RAB27A: variants seen among roughly 807,000 people sequenced by gnomAD.
RAB27A encodes ras-related protein Rab-27A.
In RAB27A, 17 loss-of-function variants were observed where a neutral mutation model predicts 20.8. The ratio of observed to expected loss-of-function variants is 0.82; its 90% CI spans 0.56 to 1.23. The LOEUF (loss-of-function observed/expected upper bound fraction) is 1.23. Among genes scored for constraint, RAB27A ranks in the 50% most tolerant of loss-of-function variants. The pLI, the probability that RAB27A is intolerant of heterozygous loss-of-function variation, is 0.00. For synonymous variants in RAB27A, 85 were observed against 92.8 expected (o/e 0.92, Z 0.48); for missense variants, 277 against 266.7 (o/e 1.04, Z -0.27).
chr15:55,317,759 A>G (rs930059323), intron 1 of RAB27A: 1 of 398,490 alleles, frequency 2.5e-6, no homozygotes, highest in African/African-American at 2.1e-5. Context: ...ACAGTGGCAA[A>G]AAGCAGTTGT....
chr15:55,276,478 G>A (rs1449828825), intron 1 of RAB27A, among the ~76,000 whole-genome samples: 4 of 152,162 alleles, frequency 2.6e-5, no homozygotes, highest in Non-Finnish European at 2.9e-5. Context: ...GCTGAGGCGC[G>A]ACAATTGCTT....
chr15:55,246,797 C>A (rs961839949), intron 2 of RAB27A, among the ~76,000 whole-genome samples: 6 of 151,990 alleles, frequency 3.9e-5, no homozygotes, highest in Non-Finnish European at 8.8e-5. Flanking sequence ...CCTCTTACCA[C>A]CACCAAGAAG....
intron 6 of RAB27A, among the ~76,000 whole-genome samples, chr15:55,210,658 C>A (rs918463192): frequency 6.6e-6 from 1 of 152,022 alleles, no homozygotes; most frequent in African/African-American, 2.4e-5. Flanking sequence ...CTTATATATT[C>A]TCGTTATTAA....
At chr15:55,278,546 G>A (rs1048850114) in intron 1 of RAB27A, among the ~76,000 whole-genome samples, 3 of 148,956 alleles carry the variant, frequency 2.0e-5, no homozygotes, top group Non-Finnish European at 4.4e-5. Context: ...GCAGTGGCAC[G>A]ATCTCAGCTC....
intron 6 of RAB27A, among the ~76,000 whole-genome samples, chr15:55,215,163 T>A (rs1207418823): frequency 1.3e-5 from 2 of 152,218 alleles, no homozygotes; most frequent in East Asian, 1.9e-4. Flanking sequence ...ATTTTAAAAA[T>A]TCTCTCAAAA....
intron 6 of RAB27A, among the ~76,000 whole-genome samples, chr15:55,209,856 G>A (rs373558415): frequency 0.013 from 717 of 56,984 alleles, 92 homozygotes; most frequent in African/African-American, 0.039. Flanking sequence ...ATATATGTGT[G>A]TATATACATA....
chr15:55,250,847 T>C (rs1054408958), intron 2 of RAB27A, among the ~76,000 whole-genome samples: 1 of 152,208 alleles, frequency 6.6e-6, no homozygotes, highest in African/African-American at 2.4e-5. Flanking sequence ...CTGGCCCAGC[T>C]GGTTGCAAAC....
intron 2 of RAB27A, among the ~76,000 whole-genome samples, chr15:55,311,369 TCTC>T (rs2055019958): frequency 6.6e-6 from 1 of 152,140 alleles, no homozygotes; most frequent in Admixed American, 6.5e-5. Flanking sequence ...TGGGCCGAAT[TCTC>T]CTCCCACTGC....
intron 2 of RAB27A, among the ~76,000 whole-genome samples, chr15:55,301,771 G>C (rs960295125): frequency 6.7e-6 from 1 of 149,814 alleles, no homozygotes; most frequent in Non-Finnish European, 1.5e-5. Context: ...TCAACGTCCT[G>C]AGTAGCTGGG....
intron 6 of RAB27A, among the ~76,000 whole-genome samples, chr15:55,212,637 C>T (rs905037901): frequency 1.3e-5 from 2 of 151,906 alleles, no homozygotes; most frequent in Non-Finnish European, 2.9e-5. Context: ...TCACGCCATT[C>T]TCCTGCCTCA....
At chr15:55,216,515 G>A (rs1012635277) in intron 6 of RAB27A, among the ~76,000 whole-genome samples, 1 of 152,102 alleles carries the variant, frequency 6.6e-6, no homozygotes, top group Non-Finnish European at 1.5e-5. Flanking sequence ...CTGAGCAACA[G>A]AGGGAGACTC....
chr15:55,318,654 T>C (rs1385936934), intron 1 of RAB27A, among the ~76,000 whole-genome samples: 5 of 149,776 alleles, frequency 3.3e-5, no homozygotes, highest in East Asian at 4.0e-4. Flanking sequence ...TGAGCCCAGA[T>C]TGCGCCACTG....
intron 2 of RAB27A, among the ~76,000 whole-genome samples, chr15:55,259,046 C>T (rs1205191636): frequency 3.9e-5 from 6 of 152,076 alleles, no homozygotes; most frequent in South Asian, 2.1e-4. Context: ...GAACTCCTAG[C>T]GGCAAGTGAT....
intron 2 of RAB27A, among the ~76,000 whole-genome samples, chr15:55,251,979 C>T (rs1318805294): frequency 6.6e-6 from 1 of 152,102 alleles, no homozygotes; most frequent in African/African-American, 2.4e-5. Flanking sequence ...CATGTCAAGG[C>T]AGCACAAAAT....
upstream of RAB27A, among the ~76,000 whole-genome samples, chr15:55,291,459 C>T (rs1898304062): frequency 7.9e-6 from 1 of 126,882 alleles, no homozygotes; most frequent in Non-Finnish European, 1.6e-5. Flanking sequence ...TGCAATGAGC[C>T]GAGATGGCGC....
At chr15:55,279,128 A>G (rs576199507) in intron 1 of RAB27A, among the ~76,000 whole-genome samples, 1 of 152,298 alleles carries the variant, frequency 6.6e-6, no homozygotes, top group Admixed American at 6.5e-5. Flanking sequence ...GAACCCTCTA[A>G]GAAGCAGTAG....
chr15:55,298,788 C>T (rs950824042), intron 2 of RAB27A, among the ~76,000 whole-genome samples: 37 of 152,276 alleles, frequency 2.4e-4, no homozygotes, highest in Admixed American at 9.2e-4. Flanking sequence ...CCCCCAGGTG[C>T]GTATTCTCTT....
intron 2 of RAB27A, among the ~76,000 whole-genome samples, chr15:55,236,790 T>A (rs1260463609): frequency 6.6e-6 from 1 of 152,184 alleles, no homozygotes; most frequent in African/African-American, 2.4e-5. Context: ...AATGTAATGA[T>A]CACATGAAGG....
intron 3 of RAB27A, among the ~76,000 whole-genome samples, chr15:55,233,276 C>T (rs1303183047): frequency 6.6e-6 from 1 of 151,930 alleles, no homozygotes; most frequent in Non-Finnish European, 1.5e-5. Flanking sequence ...CAAAGTTTTA[C>T]ACAGTATTAA....
Sources: gnomAD v4.1 joint callset for allele counts (sites outside exome capture counted in the v4.1 genomes callset) on GRCh38, gnomAD v4.1.1 for gene constraint, MANE v1.5 for transcripts, NCBI Gene and HGNC (gene_info 2026-07-23, HGNC 2026-07-21) for gene names.